The following DCUN1D5 variants were observed in gnomAD, a reference collection of about 807,000 sequenced individuals.
The protein encoded by DCUN1D5 is DCN1-like protein 5.
A neutral mutation model predicts 38.3 loss-of-function variants in DCUN1D5; 10 were observed. The observed-to-expected ratio is 0.26, with a 90% CI of 0.16 to 0.44. DCUN1D5 has a LOEUF of 0.44. DCUN1D5 is among the 20% of genes least tolerant of loss of function. The probability of loss-of-function intolerance (pLI) is 1.00; values close to 1 mark genes in which losing one functional copy is unlikely to be tolerated. For missense variants in DCUN1D5, 148 were observed against 275.3 expected (o/e 0.54, Z 3.27); for synonymous variants, 93 against 90.9 (o/e 1.02, Z -0.13).
Position 103,054,619 on chromosome 11 carries a change from T to C in DCUN1D5, c.*7740A>G, listed in dbSNP as rs1000096707. ...CTTTGTAGCCACGCTCATATAATAA[T>C]ACCCAGCACATAGTTAATTATTTCC... On this transcript the variant is annotated 3_prime_UTR_variant, in exon 8 of 8. Coordinates refer to ENST00000260247, the MANE Select transcript of DCUN1D5 (RefSeq NM_032299.4). The C allele has an allele frequency of 2.6e-5, 4 of 152,124 alleles. No homozygotes were observed. The highest frequency in any genetic ancestry group is 7.2e-5 in the African/African-American group (3 of 41,440). The allele number at this position is 152,124 out of a possible 1,614,324, so 9.4% of individuals were successfully genotyped here. A position where few individuals can be genotyped will look rare whatever the true frequency, so the allele number is the denominator to read the frequency against.
At chr11:103,070,153 C>CA (rs1158870249) in intron 4 of DCUN1D5, among the ~76,000 whole-genome samples, 2 of 147,930 alleles carry the variant, frequency 1.4e-5, no homozygotes, top group Non-Finnish European at 3.0e-5. Context: ...ATATAAGATA[C>CA]AAAAAAAGAA....
rs1436466976 is a variant in DCUN1D5 at position 103,086,886 on chromosome 11, TA to T, written c.178+2340del. Reference sequence around the variant, plus strand: ...TGTTTATAACTATATATAAACATTATAAAATTTAAATAAAAAATACATAAAA... The same window carrying T: ...TGTTTATAACTATATATAAACATTATAAATTTAAATAAAAAATACATAAAA... On this transcript the variant is annotated intron_variant, in intron 2 of 7. Transcript: ENST00000260247. This position sits in a 1 kb window ranked among gnomAD's most constrained non-coding sequence, Gnocchi z 4.1. 1.3e-5 allele frequency among the ~76,000 whole-genome samples: 2 copies of T among 151,544 alleles called. No individual in the cohort carries two copies. Among genetic ancestry groups the T allele is most frequent in the African/African-American group, 4.8e-5 (2 of 41,380 alleles).
Position 103,052,885 on chromosome 11 carries a change from G to GC in DCUN1D5, c.*9473dup. On this transcript the variant is annotated 3_prime_UTR_variant, in exon 8 of 8. Transcript: ENST00000260247. ...ATGTTTGATGTCAAGGTGCAAATGTGCAAGTAGTGGTTTTTAAAACCTGCT... is the reference window on the plus strand; with the variant it reads ...ATGTTTGATGTCAAGGTGCAAATGTGCCAAGTAGTGGTTTTTAAAACCTGCT... 1 of 152,254 alleles carries GC rather than the reference G, an allele frequency of 6.6e-6. No individual in the cohort carries two copies. The highest frequency in any genetic ancestry group is 2.1e-4 in the South Asian group (1 of 4,822). 9.4% of individuals were successfully genotyped at this position (152,254 alleles called of 1,614,324 possible).
rs1412625159 is a variant in DCUN1D5 at position 103,065,821 on chromosome 11, T to C, written c.555+448A>G. ...TGGCCATAAAATATTAATAGCTTTA[T>C]TCTGTTTCTTTAGATTGAGCCTAAG... On this transcript the variant is annotated intron_variant, in intron 6 of 7. Coordinates refer to ENST00000260247, the MANE Select transcript of DCUN1D5 (RefSeq NM_032299.4). The surrounding 1 kb of genome is among the most constrained non-coding windows in gnomAD (Gnocchi z 4.6). 2.6e-5 allele frequency among the ~76,000 whole-genome samples: 4 copies of C among 152,300 alleles called. No homozygotes were observed. Among genetic ancestry groups the C allele is most frequent in the South Asian group, 4.1e-4 (2 of 4,828 alleles).
In DCUN1D5 at chr11:103,063,046, T is replaced by TTA; in HGVS notation, c.659-634_659-633dup. Among the ~76,000 whole-genome samples, 1 of 152,170 alleles carries TTA rather than the reference T, an allele frequency of 6.6e-6. No homozygotes were observed. The highest frequency in any genetic ancestry group is 2.1e-4 in the South Asian group (1 of 4,834). On this transcript the variant is annotated intron_variant, in intron 7 of 7. Transcript: ENST00000260247. This position sits in a 1 kb window ranked among gnomAD's most constrained non-coding sequence, Gnocchi z 4.6. ...ACCGCCACAAAGAAATATGCTTGCT[T>TTA]TATTCTTCTTAAAACACATAATCCT...
At chr11:103,069,633 T>A (rs957813541) in intron 4 of DCUN1D5, among the ~76,000 whole-genome samples, 8 of 152,156 alleles carry the variant, frequency 5.3e-5, no homozygotes, top group Non-Finnish European at 1.0e-4. Context: ...GCTTTCACCA[T>A]CACCCAGTGG....
At chr11:103,069,380 T>G (rs1862215529) in intron 4 of DCUN1D5, among the ~76,000 whole-genome samples, 1 of 152,026 alleles carries the variant, frequency 6.6e-6, no homozygotes, top group Non-Finnish European at 1.5e-5. Flanking sequence ...AACACTCTAC[T>G]CCAGTTAAAA....
intron 4 of DCUN1D5, among the ~76,000 whole-genome samples, chr11:103,067,960 C>T (rs1037600688): frequency 6.6e-6 from 1 of 152,124 alleles, no homozygotes; most frequent in Non-Finnish European, 1.5e-5. Context: ...AGCATCTGTC[C>T]AAACTCAGGT....
At chr11:103,070,318 C>T (rs1248806909) in intron 4 of DCUN1D5, among the ~76,000 whole-genome samples, 1 of 152,006 alleles carries the variant, frequency 6.6e-6, no homozygotes, top group African/African-American at 2.4e-5. Flanking sequence ...GAAACTTTAA[C>T]TTCAAATAGT....
chr11:103,072,892 G>A (rs1180121372), intron 4 of DCUN1D5, among the ~76,000 whole-genome samples: 2 of 152,004 alleles, frequency 1.3e-5, no homozygotes, highest in Non-Finnish European at 2.9e-5. Flanking sequence ...ATGTACCCTA[G>A]AACTTGAAGT....
rs1862023531 is a variant in DCUN1D5, at chr11:103,062,000, G to A, written c.*359C>T. 1 of 194,794 alleles carries A rather than the reference G, an allele frequency of 5.1e-6. No homozygotes were observed. The highest frequency in any genetic ancestry group is 1.0e-5 in the Non-Finnish European group (1 of 96,916). The allele number at this position is 194,794 out of a possible 1,614,324, so 12.1% of individuals were successfully genotyped here. A position where few individuals can be genotyped will look rare whatever the true frequency, so the allele number is the denominator to read the frequency against. On this transcript the variant is annotated 3_prime_UTR_variant, in exon 8 of 8. Coordinates refer to ENST00000260247, the MANE Select transcript of DCUN1D5 (RefSeq NM_032299.4). ...ATCTTGAAAATTCTGTAAATTCACGGTGAATTGGAACCTCAAAAATCAAAA... is the reference window on the plus strand; with the variant it reads ...ATCTTGAAAATTCTGTAAATTCACGATGAATTGGAACCTCAAAAATCAAAA...
rs551271931 is a variant in DCUN1D5 at position 103,087,615 on chromosome 11, G to A, written c.178+1612C>T. ...CAGTGAGCCATGATCACAGCACTGC[G>A]CTCCAGCGTGGGCGACACAGTGAGA... On this transcript the variant is annotated intron_variant, in intron 2 of 7. Transcript: ENST00000260247. This position sits in a 1 kb window ranked among gnomAD's most constrained non-coding sequence, Gnocchi z 4.1. 5.3e-5 allele frequency among the ~76,000 whole-genome samples: 8 copies of A among 152,314 alleles called. No homozygotes were observed. In the South Asian group the frequency reaches 1.2e-3, roughly 24 times the overall value.
intron 2 of DCUN1D5, among the ~76,000 whole-genome samples, chr11:103,088,942 T>C (rs990868449): frequency 6.7e-6 from 1 of 150,256 alleles, no homozygotes; most frequent in African/African-American, 2.5e-5. Context: ...TCCAGAATAC[T>C]ACTTTAGCCA....
intron 4 of DCUN1D5, among the ~76,000 whole-genome samples, chr11:103,072,799 T>C (rs1334497088): frequency 6.6e-6 from 1 of 151,354 alleles, no homozygotes; most frequent in Non-Finnish European, 1.5e-5. Context: ...TTAGGAGATA[T>C]ACCTAACATA....
Position 103,071,889 on chromosome 11 carries a change from A to T in DCUN1D5, c.342-5322T>A, listed in dbSNP as rs1245413287. Among the ~76,000 whole-genome samples the T allele has an allele frequency of 2.0e-5, 3 of 151,388 alleles. No homozygotes were observed. Among genetic ancestry groups the T allele is most frequent in the African/African-American group, 7.2e-5 (3 of 41,408 alleles). On this transcript the variant is annotated intron_variant, in intron 4 of 7. Transcript: ENST00000260247. The surrounding 1 kb of genome is among the most constrained non-coding windows in gnomAD (Gnocchi z 4.1). ...CTCTCAAAACATAAAAGATTAAGAA[A>T]ATTTAAAATATTTAAAAAAAGAAAA...
chr11:103,087,257 G>A lies in DCUN1D5; in HGVS notation c.178+1970C>T, dbSNP rs554288814. On this transcript the variant is annotated intron_variant, in intron 2 of 7. Transcript: ENST00000260247. The surrounding 1 kb of genome is among the most constrained non-coding windows in gnomAD (Gnocchi z 4.1). ...GTTATCTCGGCTCACTGTGAGCTCC[G>A]CCTCCTGGGTTCACGCCATTCTCCT... is the stretch of plus-strand genomic sequence containing the variant. 1.6e-3 allele frequency among the ~76,000 whole-genome samples: 239 copies of A among 149,718 alleles called. No homozygotes were observed. The highest frequency in any genetic ancestry group is 5.6e-3 in the African/African-American group (227 of 40,590).
chr11:103,076,752 A>T (rs2134621550), intron 4 of DCUN1D5, among the ~76,000 whole-genome samples: 1 of 152,360 alleles, frequency 6.6e-6, no homozygotes, highest in East Asian at 1.9e-4. Context: ...TCCATGTGTT[A>T]AATGCTTAGC....
At chr11:103,081,049 T>C (rs1862551685) in intron 4 of DCUN1D5, among the ~76,000 whole-genome samples, 1 of 152,146 alleles carries the variant, frequency 6.6e-6, no homozygotes, top group Admixed American at 6.5e-5. Context: ...CAGTTTCTAT[T>C]CTTGTACGCA....
chr11:103,075,584 G>A (rs1862388785), intron 4 of DCUN1D5, among the ~76,000 whole-genome samples: 1 of 152,170 alleles, frequency 6.6e-6, no homozygotes, highest in Non-Finnish European at 1.5e-5. Flanking sequence ...GTTTCACCAA[G>A]TCAGCAAGGC....
Sources: allele counts gnomAD v4.1 joint callset (sites outside exome capture counted in the v4.1 genomes callset), GRCh38; gene constraint gnomAD v4.1.1; non-coding constraint Gnocchi (gnomAD v3.1); transcripts MANE v1.5; gene names NCBI Gene and HGNC (gene_info 2026-07-23, HGNC 2026-07-21).